The following GP6 variants were observed in gnomAD, a reference collection of about 807,000 sequenced individuals.
GP6 encodes platelet glycoprotein VI.
A neutral mutation model predicts 37.3 loss-of-function variants in GP6; 45 were observed. The ratio of observed to expected loss-of-function variants is 1.21; its 90% CI spans 0.95 to 1.55. GP6 has a LOEUF of 1.55. Ranked by LOEUF, GP6 falls within the 40% of genes most tolerant of loss-of-function variation. The pLI, the probability that GP6 is intolerant of heterozygous loss-of-function variation, is 0.00. For synonymous variants in GP6, 340 were observed against 316.4 expected (o/e 1.07, Z -0.79); for missense variants, 813 against 760.2 (o/e 1.07, Z -0.82).
At chr19:55,015,826 C>T in intron 6 of GP6, 93 bp from the exon 7 acceptor site, 1 of 755,700 alleles carries the variant, frequency 1.3e-6, no homozygotes, top group Non-Finnish European at 2.4e-6. Context: ...CATGGGGAGG[C>T]ACAATTCCAC....
At chr19:55,028,713 T>G (rs1038613395) in intron 3 of GP6, among the ~76,000 whole-genome samples, 2 of 152,172 alleles carry the variant, frequency 1.3e-5, no homozygotes, top group African/African-American at 4.8e-5. Flanking sequence ...AGTGGCAGAG[T>G]TGAAATCTGC....
rs146318651 is a variant in GP6 at position 55,014,430 on chromosome 19, C to G, written c.1515G>C (p.Ser505=). 1.3e-5 allele frequency: 21 copies of G among 1,613,358 alleles called. No individual in the cohort carries two copies. Among genetic ancestry groups the G allele is most frequent in the African/African-American group, 9.4e-5 (7 of 74,842 alleles). ...TGCCTGCAAGACCCGTTCTGAGAGA[C>G]GAAAGGAGATTTGTTAGACCGCAGT... Residue 505 remains serine, a synonymous_variant, in exon 8 of 8, where the codon TCG becomes TCC. Transcript: ENST00000310373.
intron 1 of GP6, among the ~76,000 whole-genome samples, chr19:55,035,368 G>C (rs1291434282): frequency 6.6e-6 from 1 of 152,136 alleles, no homozygotes; most frequent in Non-Finnish European, 1.5e-5. Context: ...GCACATCATG[G>C]TGACTGTAGT....
At chr19:55,015,491 C>G (rs935150614) in intron 7 of GP6, among the ~76,000 whole-genome samples, 192 bp downstream of exon 7, 8 of 152,146 alleles carry the variant, frequency 5.3e-5, no homozygotes, top group African/African-American at 1.4e-4. Flanking sequence ...TTTCTCTGAC[C>G]CTTTTTAAAA....
Position 55,032,381 on chromosome 19 carries a change from G to T in GP6, c.83C>A (p.Pro28His). The change falls in exon 3 of 8, where the codon CCC becomes CAC. Residue 28 changes from proline (P) to histidine (H), a missense_variant. Coordinates refer to ENST00000310373, the MANE Select transcript of GP6 (RefSeq NM_001083899.2). ...GGAGCTGGGCAGAGCCTGGAGGGAG[G>T]GCTTGGGGAGCGGTCCTGGAAGAGG... 6.2e-7 allele frequency: 1 copy of T among 1,613,320 alleles called. No homozygotes were observed. Among genetic ancestry groups the T allele is most frequent in the South Asian group, 1.1e-5 (1 of 91,020 alleles).
In GP6 at chr19:55,023,946, A is replaced by G. The variant is rs1602570740; in HGVS notation, c.664+1272T>C. ...AGGAGTTAGGGATGGCAAGGGAAGGAGAAGGGTGTAGGTGTGAATATAAAA... is the reference window on the plus strand; with the variant it reads ...AGGAGTTAGGGATGGCAAGGGAAGGGGAAGGGTGTAGGTGTGAATATAAAA... On this transcript the variant is annotated intron_variant, in intron 5 of 7. Coordinates refer to ENST00000310373, the MANE Select transcript of GP6 (RefSeq NM_001083899.2). Among the ~76,000 whole-genome samples, 9 of 61,134 alleles carry G rather than the reference A, an allele frequency of 1.5e-4. No individual in the cohort carries two copies. In the South Asian group the frequency reaches 4.0e-3, roughly 27 times the overall value. 40.1% of individuals were successfully genotyped at this position (61,134 alleles called of 152,430 possible). A position where few individuals can be genotyped will look rare whatever the true frequency, so the allele number is the denominator to read the frequency against.
At chr19:55,019,678 CTTTTTTT>C (rs770367312) in intron 5 of GP6, among the ~76,000 whole-genome samples, 1 of 126,754 alleles carries the variant, frequency 7.9e-6, no homozygotes, top group Non-Finnish European at 1.6e-5. Flanking sequence ...TTCTTTTTTT[CTTTTTTT>C]TTTTTTTTTT....
chr19:55,036,920 A>G (rs925297223), intron 1 of GP6, among the ~76,000 whole-genome samples: 1 of 152,180 alleles, frequency 6.6e-6, no homozygotes, highest in African/African-American at 2.4e-5. Context: ...CTGAGGCAGG[A>G]GAATCACTTG....
chr19:55,038,102 T>G, intron 1 of GP6, 101 bp downstream of exon 1: 1 of 979,158 alleles, frequency 1.0e-6, no homozygotes, highest in South Asian at 1.4e-5. Flanking sequence ...GGTTCCTTTT[T>G]GTCCTGAAAT....
chr19:55,032,105 A>G (rs776994233), intron 3 of GP6, 34 bp downstream of exon 3: 5 of 1,608,714 alleles, frequency 3.1e-6, no homozygotes, highest in African/African-American at 1.3e-5. Flanking sequence ...ACGGAGGACC[A>G]CGCAGTCCCA....
Position 55,032,125 on chromosome 19 carries a change from C to A in GP6, c.325+14G>T, listed in dbSNP as rs1399365815. ...GGACCACGCAGTCCCAGGCTCCGAT[C>A]CCCCTTCCTTTACCCGTGGCAACGA... On this transcript the variant is annotated intron_variant, in intron 3 of 7. Transcript: ENST00000310373. The A allele has an allele frequency of 1.9e-6, 3 of 1,612,798 alleles. No individual in the cohort carries two copies. The highest frequency in any genetic ancestry group is 1.7e-6 in the Non-Finnish European group (2 of 1,179,682).
intron 1 of GP6, among the ~76,000 whole-genome samples, chr19:55,034,571 T>A (rs1602640031): frequency 6.7e-6 from 1 of 149,358 alleles, no homozygotes; most frequent in African/African-American, 2.5e-5. Context: ...AAAAAAAAAA[T>A]GATATTGCCC....
chr19:55,026,484 G>GT (rs2074307219), intron 4 of GP6, among the ~76,000 whole-genome samples: 1 of 152,164 alleles, frequency 6.6e-6, no homozygotes, highest in African/African-American at 2.4e-5. Flanking sequence ...GTATATCCAT[G>GT]TTGTAGTATG....
chr19:55,019,900 G>T (rs899452825), intron 5 of GP6, among the ~76,000 whole-genome samples: 1 of 151,868 alleles, frequency 6.6e-6, no homozygotes, highest in Non-Finnish European at 1.5e-5. Flanking sequence ...GGATGGTCTC[G>T]ATCTCCTGAC....
Position 55,015,741 on chromosome 19 carries a change from CCAAA to C in GP6, c.725-12_725-9del, listed in dbSNP as rs1439147847. 2.0e-6 allele frequency: 3 copies of C among 1,501,672 alleles called. No homozygotes were observed. Among genetic ancestry groups the C allele is most frequent in the Non-Finnish European group, 2.8e-6 (3 of 1,076,622 alleles). 93.0% of individuals were successfully genotyped at this position (1,501,672 alleles called of 1,614,324 possible). A position where few individuals can be genotyped will look rare whatever the true frequency, so the allele number is the denominator to read the frequency against. On this transcript the variant is annotated splice_polypyrimidine_tract_variant and intron_variant, in intron 6 of 7. Coordinates refer to ENST00000310373, the MANE Select transcript of GP6 (RefSeq NM_001083899.2). Reference sequence around the variant, plus strand: ...TGATACTCCTAGAAGTCTCTGGGAACCAAACAAAGGCTAAGTGTGAAATGAAACC... The same window carrying C: ...TGATACTCCTAGAAGTCTCTGGGAACCAAAGGCTAAGTGTGAAATGAAACC...
intron 1 of GP6, among the ~76,000 whole-genome samples, chr19:55,035,283 G>A (rs1381772901): frequency 1.3e-5 from 2 of 152,176 alleles, no homozygotes; most frequent in East Asian, 3.8e-4. Context: ...GGGCGGTGGG[G>A]TAAGGTTTGG....
chr19:55,016,289 T>C (rs1470177056), intron 6 of GP6, among the ~76,000 whole-genome samples: 1 of 151,944 alleles, frequency 6.6e-6, no homozygotes. Context: ...CAAGATCCCT[T>C]ATAGGTTGAT....
At chr19:55,034,177 TATAC>T (rs1262986255) in intron 1 of GP6, among the ~76,000 whole-genome samples, 1 of 149,680 alleles carries the variant, frequency 6.7e-6, no homozygotes, top group East Asian at 2.0e-4. Context: ...TGTGTGTGTG[TATAC>T]ATATGTATAC....
chr19:55,019,844 A>AT (rs1555796098), intron 5 of GP6, among the ~76,000 whole-genome samples: 6 of 149,790 alleles, frequency 4.0e-5, no homozygotes, highest in African/African-American at 1.5e-4. Flanking sequence ...CGCCTGGCTA[A>AT]TTTTTTTGTA....
Sources: allele counts gnomAD v4.1 joint callset (sites outside exome capture counted in the v4.1 genomes callset), GRCh38; gene constraint gnomAD v4.1.1; transcripts MANE v1.5; gene names NCBI Gene and HGNC (gene_info 2026-07-23, HGNC 2026-07-21).